Variants in STK33 observed in about 807,000 individuals in gnomAD.
STK33 encodes the protein serine/threonine-protein kinase 33.
In STK33, 52 loss-of-function variants were observed where a neutral mutation model predicts 58.0. The observed-to-expected ratio is 0.90, with a 90% confidence interval of 0.72 to 1.13. The LOEUF is 1.13. Ranked by LOEUF, STK33 falls within the 50% of genes most tolerant of loss-of-function variation. STK33 has a pLI of 0.00. For missense variants in STK33, 630 were observed against 604.2 expected, an observed-to-expected ratio of 1.04 and a Z score of -0.45; for synonymous variants, 215 against 200.1, an observed-to-expected ratio of 1.07 and a Z score of -0.63.
chr11:8,500,525 A>G (rs35760680), intron 1 of STK33, among the ~76,000 whole-genome samples: 25,724 of 152,220 alleles, frequency 0.17, 2,643 homozygotes, highest in South Asian at 0.31. Flanking sequence ...ACTTGTACAC[A>G]TGAAACTATA....
chr11:8,443,326 C>T (rs145297406), intron 11 of STK33, among the ~76,000 whole-genome samples: 37 of 152,214 alleles, frequency 2.4e-4, no homozygotes, highest in African/African-American at 7.5e-4. Context: ...AAATATCCAA[C>T]GCATCATTTG....
chr11:8,492,879 A>G (rs1950737919), intron 1 of STK33, among the ~76,000 whole-genome samples: 1 of 152,250 alleles, frequency 6.6e-6, no homozygotes, highest in South Asian at 2.1e-4. Flanking sequence ...GGCAGAAATA[A>G]AGATGTTCTT....
chr11:8,587,615 G>C (rs1017255104), intron 1 of STK33, among the ~76,000 whole-genome samples: 1 of 148,290 alleles, frequency 6.7e-6, no homozygotes, highest in African/African-American at 2.5e-5. Context: ...AAGATGAAAA[G>C]TTCTTTCTTC....
At chr11:8,424,034 T>C (rs1237810640) in intron 14 of STK33, among the ~76,000 whole-genome samples, 1 of 151,866 alleles carries the variant, frequency 6.6e-6, no homozygotes, top group Non-Finnish European at 1.5e-5. Context: ...CATGTGCACA[T>C]TGTGCAGGTT....
At chr11:8,351,485 T>C in the STK33 span, among the ~76,000 whole-genome samples, 1 of 152,110 alleles carries the variant, frequency 6.6e-6, no homozygotes, top group Non-Finnish European at 1.5e-5. Context: ...CTCTGCATGG[T>C]TCTGGCCGTC....
chr11:8,523,812 G>A (rs1328539372), intron 1 of STK33, among the ~76,000 whole-genome samples: 2 of 152,246 alleles, frequency 1.3e-5, no homozygotes, highest in African/African-American at 4.8e-5. Context: ...ACCCTGTCTG[G>A]GAGGTGTACC....
the STK33 span, among the ~76,000 whole-genome samples, chr11:8,363,928 A>T: frequency 6.6e-6 from 1 of 152,222 alleles, no homozygotes; most frequent in East Asian, 1.9e-4. Flanking sequence ...GAGCAGATTG[A>T]ACAGTGCTGG....
At chr11:8,586,254 C>G (rs2031604707) in intron 1 of STK33, among the ~76,000 whole-genome samples, 1 of 151,818 alleles carries the variant, frequency 6.6e-6, no homozygotes, top group African/African-American at 2.4e-5. Context: ...ACTTCAAATC[C>G]CAACCCAACC....
chr11:8,470,707 A>T lies in STK33; in HGVS notation c.339+2456T>A, dbSNP rs547088749. 2.6e-5 allele frequency among the ~76,000 whole-genome samples: 4 copies of T among 152,246 alleles called. No individual in the cohort carries two copies. In the South Asian group the frequency reaches 8.3e-4, roughly 32 times the overall value. Reference sequence around the variant, plus strand: ...AGGGTTATTAATTGTCCTAATTTTAATATTGTCTCTCAGGGACTAGGAAGG... The same window carrying T: ...AGGGTTATTAATTGTCCTAATTTTATTATTGTCTCTCAGGGACTAGGAAGG... On this transcript the variant is annotated intron_variant, in intron 6 of 15. Transcript: ENST00000687296.
chr11:8,407,314 C>T (rs536364413), intron 15 of STK33, among the ~76,000 whole-genome samples: 82 of 152,122 alleles, frequency 5.4e-4, no homozygotes, highest in African/African-American at 1.9e-3. Context: ...TTTCTTGTAA[C>T]ATCCTTGTCA....
chr11:8,495,208 C>T (rs1006676545), intron 1 of STK33, among the ~76,000 whole-genome samples: 23 of 151,916 alleles, frequency 1.5e-4, no homozygotes, highest in African/African-American at 5.3e-4. Context: ...TGACAAAGGG[C>T]TAATATCCAG....
intron 14 of STK33, among the ~76,000 whole-genome samples, chr11:8,428,871 C>T (rs1325089507): frequency 6.6e-6 from 1 of 151,840 alleles, no homozygotes; most frequent in Non-Finnish European, 1.5e-5. Context: ...CAATTATATA[C>T]TACTGATAAT....
the STK33 span, among the ~76,000 whole-genome samples, chr11:8,354,489 C>CACAA: frequency 7.4e-6 from 1 of 135,232 alleles, no homozygotes; most frequent in African/African-American, 2.6e-5. Flanking sequence ...CACACACACA[C>CACAA]ACACACACAC....
chr11:8,376,072 C>T, the STK33 span, among the ~76,000 whole-genome samples: 4 of 152,192 alleles, frequency 2.6e-5, no homozygotes, highest in East Asian at 7.7e-4. Context: ...CCTTCCAGAG[C>T]CAGCCACCCA....
At chr11:8,457,559 A>G in intron 8 of STK33, 80 bp from the exon 9 acceptor site, 1 of 1,175,986 alleles carries the variant, frequency 8.5e-7, no homozygotes, top group Non-Finnish European at 1.2e-6. Flanking sequence ...CACATATACA[A>G]TCACAGTCAT....
chr11:8,559,997 T>C (rs1016488115), intron 1 of STK33, among the ~76,000 whole-genome samples: 1 of 152,158 alleles, frequency 6.6e-6, no homozygotes, highest in Non-Finnish European at 1.5e-5. Context: ...GGCTATATAA[T>C]ATTCCAATAT....
At chr11:8,489,842 T>C (rs1191562784) in intron 1 of STK33, among the ~76,000 whole-genome samples, 1 of 152,164 alleles carries the variant, frequency 6.6e-6, no homozygotes, top group Non-Finnish European at 1.5e-5. Flanking sequence ...GCGGCTCAAC[T>C]GCAGTTTTGA....
At chr11:8,579,946 T>A (rs1337397021) in intron 1 of STK33, among the ~76,000 whole-genome samples, 5 of 152,158 alleles carry the variant, frequency 3.3e-5, no homozygotes, top group Non-Finnish European at 7.4e-5. Flanking sequence ...AAACGGCTTT[T>A]ATCCAAAAGA....
rs775681883 is a variant in STK33, at chr11:8,474,807, C to T, written c.99G>A (p.Arg33=). The T allele has an allele frequency of 1.9e-6, 3 of 1,612,800 alleles. No individual in the cohort carries two copies. Among genetic ancestry groups the T allele is most frequent in the South Asian group, 2.2e-5 (2 of 90,732 alleles). ...TTTCCACCACCAAAACTGGAGGAAC[C>T]CTTGTTTTGCTGGAACATACACAAA... is the stretch of plus-strand genomic sequence containing the variant. ...DVLCVCSSKT[R]VPPVLVVEMS... The change falls in exon 5 of 16, where the codon AGG becomes AGA. Residue 33 remains arginine (R), a synonymous_variant. Coordinates refer to ENST00000687296, the MANE Select transcript of STK33 (RefSeq NM_001352389.2).
Sources: gnomAD v4.1 joint callset for allele counts (sites outside exome capture counted in the v4.1 genomes callset) on GRCh38, gnomAD v4.1.1 for gene constraint, MANE v1.5 for transcripts, NCBI Gene and HGNC (gene_info 2026-07-23, HGNC 2026-07-21) for gene names.